The following LRWD1 variants were observed in gnomAD, a reference collection of about 807,000 sequenced individuals.
LRWD1 encodes leucine rich repeats and WD repeat domain containing 1, also known as leucine-rich repeat and WD repeat-containing protein 1.
LRWD1 carries 76 observed loss-of-function variants against 75.6 expected under a neutral mutation model. That is an observed-to-expected ratio of 1.01 (90% CI 0.84 to 1.22). The LOEUF (loss-of-function observed/expected upper bound fraction) is 1.22. LRWD1 is among the 50% of genes most tolerant of loss of function. The pLI, the probability that LRWD1 is intolerant of heterozygous loss-of-function variation, is 0.00. For synonymous variants in LRWD1, 487 were observed against 377.0 expected, an observed-to-expected ratio of 1.29 and a Z score of -3.38; for missense variants, 917 against 862.0, an observed-to-expected ratio of 1.06 and a Z score of -0.80.
At position 102,465,994 on chromosome 7, in the gene LRWD1, C is replaced by T. The variant is rs1178882316; in HGVS notation, c.258C>T (p.Ala86=). The change falls in exon 2 of 15, where the codon GCC becomes GCT. Residue 86 remains alanine, a synonymous_variant. Coordinates refer to ENST00000292616, the MANE Select transcript of LRWD1 (RefSeq NM_152892.3). ...CANNQLGDVT[A]LCQFPKLEEL... ...ACAACCAGCTGGGGGATGTTACTGC[C>T]TTGTGCCAGTTCCCCAAGCTCGAGG... is the stretch of plus-strand genomic sequence containing the variant. The T allele has an allele frequency of 1.9e-6, 3 of 1,614,050 alleles. No individual in the cohort carries two copies. The highest frequency in any genetic ancestry group is 2.5e-6 in the Non-Finnish European group (3 of 1,180,044).
chr7:102,471,983 A>T, intron 11 of LRWD1: 1 of 513,100 alleles, frequency 1.9e-6, no homozygotes, highest in Non-Finnish European at 3.6e-6. Flanking sequence ...GTCCTGGAAG[A>T]GCCACCCCTC....
In LRWD1 at chr7:102,473,122, G is replaced by GGGTCTTTCAGTGAATATTTTTAT. The variant is rs1798274667; in HGVS notation, c.*75_*76insTCTTTCAGTGAATATTTTTATGG. On this transcript the variant is annotated 3_prime_UTR_variant, in exon 15 of 15. Coordinates refer to ENST00000292616, the MANE Select transcript of LRWD1 (RefSeq NM_152892.3). ...AGCTTTGGGCCGATGGGGGTGGGGG[G>GGGTCTTTCAGTGAATATTTTTAT]GGGTCTTTCAGTGAATATTTTTATT... is the stretch of plus-strand genomic sequence containing the variant. The GGGTCTTTCAGTGAATATTTTTAT allele has an allele frequency of 2.1e-6, 3 of 1,462,682 alleles. No homozygotes were observed. The Admixed American group carries it at 6.5e-5, about 31-fold the overall frequency. The allele number at this position is 1,462,682 out of a possible 1,614,324, so 90.6% of individuals were successfully genotyped here.
chr7:102,466,831 AGTGCAGTG>A (rs1411114566), intron 3 of LRWD1, among the ~76,000 whole-genome samples: 1 of 122,540 alleles, frequency 8.2e-6, no homozygotes, highest in Non-Finnish European at 1.6e-5. Flanking sequence ...CCCATGTTGA[AGTGCAGTG>A]GTGTGATCGT....
intron 3 of LRWD1, 99 bp downstream of exon 3, chr7:102,466,369 T>C: frequency 1.1e-6 from 1 of 940,768 alleles, no homozygotes; most frequent in Non-Finnish European, 1.7e-6. Context: ...GGGTGACTGA[T>C]AGAGGCTCTT....
At chr7:102,469,164 C>T (rs1798110162) in intron 9 of LRWD1, 102 bp downstream of exon 9, 13 of 1,032,014 alleles carry the variant, frequency 1.3e-5, no homozygotes, top group Non-Finnish European at 1.7e-5. Flanking sequence ...AGCTCGGGCG[C>T]CTGCCGGGCC....
At position 102,468,604 on chromosome 7, in the gene LRWD1, A is replaced by G. The variant is rs775099117; in HGVS notation, c.970A>G (p.Ile324Val). The change falls in exon 8 of 15, where the codon ATT (isoleucine) becomes GTT (valine). Residue 324 changes from isoleucine to valine, a missense_variant. Coordinates refer to ENST00000292616, the MANE Select transcript of LRWD1 (RefSeq NM_152892.3). ...GTGCGGCGGGGAGGCTGTGTGCGTA[A>G]TTGATTGCCAGACGGGCATCGTGCT... The part of the protein sequence containing the change: ...ATCGGEAVCV[I>V]DCQTGIVLHK... 5.7e-6 allele frequency: 9 copies of G among 1,578,384 alleles called. No individual in the cohort carries two copies. The Admixed American group carries it at 1.3e-4, about 22-fold the overall frequency.
Position 102,473,131 on chromosome 7 carries a change from C to G in LRWD1, c.*82C>G. The G allele has an allele frequency of 7.0e-7, 1 of 1,426,522 alleles. No individual in the cohort carries two copies. Among genetic ancestry groups the G allele is most frequent in the Non-Finnish European group, 9.5e-7 (1 of 1,053,030 alleles). 88.4% of individuals were successfully genotyped at this position (1,426,522 alleles called of 1,614,324 possible). On this transcript the variant is annotated 3_prime_UTR_variant, in exon 15 of 15. Coordinates refer to ENST00000292616, the MANE Select transcript of LRWD1 (RefSeq NM_152892.3). Reference sequence around the variant, plus strand: ...CCGATGGGGGTGGGGGGGGGTCTTTCAGTGAATATTTTTATTAAACTCTAC... The same window carrying G: ...CCGATGGGGGTGGGGGGGGGTCTTTGAGTGAATATTTTTATTAAACTCTAC...
rs1269051077 is a variant in LRWD1, at chr7:102,467,833, G to A, written c.678+10G>A. 11 of 1,548,574 alleles carry A rather than the reference G, an allele frequency of 7.1e-6. No individual in the cohort carries two copies. The highest frequency in any genetic ancestry group is 9.6e-6 in the Non-Finnish European group (11 of 1,146,044). ...TGCCCACAAGCCCAGGGTGAGTGCA[G>A]CTCCCAGGGCTCTGAGGCCAGCCCA... On this transcript the variant is annotated intron_variant, in intron 5 of 14. Coordinates refer to ENST00000292616, the MANE Select transcript of LRWD1 (RefSeq NM_152892.3).
intron 11 of LRWD1, 177 bp downstream of exon 11, chr7:102,470,059 G>A: frequency 1.3e-6 from 1 of 788,278 alleles, no homozygotes; most frequent in Non-Finnish European, 1.9e-6. Flanking sequence ...AAAGGACTCT[G>A]ACCCTGCTCT....
chr7:102,465,523 T>TTTTTTTTTTTTTTTTTTTTTG (rs1797940910), intron 1 of LRWD1: 1 of 113,526 alleles, frequency 8.8e-6, no homozygotes, highest in African/African-American at 3.5e-5. Context: ...TTTTTTTTTT[T>TTTTTTTTTTTTTTTTTTTTTG]TTGTTAAGTG....
intron 3 of LRWD1, among the ~76,000 whole-genome samples, 168 bp from the exon 4 acceptor site, chr7:102,467,171 G>GTGTGTATGTGTGTGTGTGT (rs1554579596): frequency 2.0e-5 from 2 of 99,116 alleles, no homozygotes; most frequent in African/African-American, 8.8e-5. Flanking sequence ...GTGTGTGTGG[G>GTGTGTATGTGTGTGTGTGT]GTGTGTGTGT....
intron 3 of LRWD1, 104 bp downstream of exon 3, chr7:102,466,374 G>C: frequency 1.1e-6 from 1 of 890,992 alleles, no homozygotes; most frequent in Non-Finnish European, 1.8e-6. Flanking sequence ...ACTGATAGAG[G>C]CTCTTTGCCC....
At position 102,468,927 on chromosome 7, in the gene LRWD1, C is replaced by G. The variant is rs1311307667; in HGVS notation, c.1093C>G (p.Leu365Val). The part of the protein sequence containing the change: ...QAGHKKRWSV[L>V]AAAGLRGLVR... ...TGGCCACAAGAAGCGCTGGAGTGTGCTGGCGGCTGCAGGCCTACGGGGCCT... is the reference window on the plus strand; with the variant it reads ...TGGCCACAAGAAGCGCTGGAGTGTGGTGGCGGCTGCAGGCCTACGGGGCCT... The change falls in exon 9 of 15, where the codon CTG becomes GTG. Residue 365 changes from leucine (L) to valine (V), a missense_variant. By Grantham distance (32) the Leu-to-Val change is conservative. Transcript: ENST00000292616. 6.2e-7 allele frequency: 1 copy of G among 1,612,740 alleles called. No homozygotes were observed. The highest frequency in any genetic ancestry group is 1.7e-5 in the Admixed American group (1 of 60,006).
rs745680542 is a variant in LRWD1 at position 102,466,217 on chromosome 7, G to A, written c.379G>A (p.Ala127Thr). The part of the protein sequence containing the change: ...PTLRKVNGKD[A>T]SSTYSQVENL... ...GCTCCGTAAGGTCAATGGCAAGGAT[G>A]CGTCCTCAACTTACTCTCAGGTGGA... is the stretch of plus-strand genomic sequence containing the variant. Residue 127 changes from alanine to threonine, a missense_variant, in exon 3 of 15, where the codon GCG becomes ACG. Coordinates refer to ENST00000292616, the MANE Select transcript of LRWD1 (RefSeq NM_152892.3). The A allele has an allele frequency of 2.5e-6, 4 of 1,614,184 alleles. No homozygotes were observed. Among genetic ancestry groups the A allele is most frequent in the Non-Finnish European group, 3.4e-6 (4 of 1,180,042 alleles).
At chr7:102,470,425 C>T (rs1191953524) in intron 11 of LRWD1, 2 of 152,686 alleles carry the variant, frequency 1.3e-5, no homozygotes, top group Non-Finnish European at 2.9e-5. Context: ...CAAAATCCCA[C>T]AGTGTGATGC....
rs779659216 is a variant in LRWD1 at position 102,465,959 on chromosome 7, C to G, written c.223C>G (p.Arg75Gly). ...GGGCCTGTCCCACCTGCGTGTCCTC[C>G]GCTGCGCCAACAACCAGCTGGGGGA... ...NLGLSHLRVL[R>G]CANNQLGDVT... The change falls in exon 2 of 15, where the codon CGC (arginine) becomes GGC (glycine). Residue 75 changes from arginine to glycine, a missense_variant. Physicochemically the swap from Arg to Gly is moderately radical, Grantham distance 125 (BLOSUM62 -2). Transcript: ENST00000292616. The G allele has an allele frequency of 3.1e-6, 5 of 1,613,926 alleles. No individual in the cohort carries two copies. The highest frequency in any genetic ancestry group is 2.2e-5 in the East Asian group (1 of 44,870).
intron 3 of LRWD1, among the ~76,000 whole-genome samples, chr7:102,466,764 T>C (rs1163411779): frequency 4.2e-4 from 2 of 4,736 alleles, no homozygotes; most frequent in East Asian, 0.1. Context: ...TTTTACCTTT[T>C]TTTTTTTTTT....
intron 4 of LRWD1, 119 bp downstream of exon 4, chr7:102,467,598 C>T: frequency 6.6e-7 from 1 of 1,524,500 alleles, no homozygotes; most frequent in Non-Finnish European, 8.9e-7. Flanking sequence ...GGTGGGCAGC[C>T]CTGTTGGCTG....
intron 9 of LRWD1, 50 bp from the exon 10 acceptor site, chr7:102,469,524 G>A (rs764744258): frequency 6.2e-7 from 1 of 1,605,104 alleles, no homozygotes; most frequent in Admixed American, 1.7e-5. Context: ...CAGCAGGAGG[G>A]AGCAGGGTCA....
Sources: allele counts gnomAD v4.1 joint callset (sites outside exome capture counted in the v4.1 genomes callset), GRCh38; gene constraint gnomAD v4.1.1; transcripts MANE v1.5; gene names NCBI Gene and HGNC (gene_info 2026-07-23, HGNC 2026-07-21).